Variants in DGKI observed in about 807,000 individuals in gnomAD.
DGKI encodes diacylglycerol kinase iota, also known as DAG kinase iota.
In DGKI, 55 loss-of-function variants were observed where a neutral mutation model predicts 147.5. The observed-to-expected ratio is 0.37, with a 90% confidence interval of 0.30 to 0.47. The LOEUF (loss-of-function observed/expected upper bound fraction) is 0.47, where lower values mean the gene tolerates loss of function less well. Ranked by LOEUF, DGKI falls within the 20% of genes least tolerant of loss-of-function variation. The pLI is 1.00. For missense variants in DGKI, 1,007 were observed against 1,323.8 expected, an observed-to-expected ratio of 0.76 and a Z score of 3.71; for synonymous variants, 469 against 477.1, an observed-to-expected ratio of 0.98 and a Z score of 0.22.
At chr7:137,496,492 A>G (rs1411269434) in intron 21 of DGKI, among the ~76,000 whole-genome samples, 1 of 152,026 alleles carries the variant, frequency 6.6e-6, no homozygotes, top group Non-Finnish European at 1.5e-5. Context: ...AAAATCCCAA[A>G]TAGCCAAGGA....
At chr7:137,806,590 C>T (rs1162096706) in intron 1 of DGKI, among the ~76,000 whole-genome samples, 1 of 152,116 alleles carries the variant, frequency 6.6e-6, no homozygotes, top group Non-Finnish European at 1.5e-5. Flanking sequence ...CCTGCCAACA[C>T]GCCCGGCTAA....
chr7:137,518,382 A>G lies in DGKI; in HGVS notation c.2248+3484T>C, dbSNP rs560504440. 1.1e-3 allele frequency among the ~76,000 whole-genome samples: 163 copies of G among 152,262 alleles called. 1 individual carries two copies. The highest frequency in any genetic ancestry group is 2.1e-3 in the Non-Finnish European group (145 of 67,984). On this transcript the variant is annotated intron_variant, in intron 21 of 32. Coordinates refer to ENST00000614521, the MANE Select transcript of DGKI (RefSeq NM_001321708.2). Reference sequence around the variant, plus strand: ...CTAAATCACCAAACAAGGAAATTCCATTAGGGCAAATGCTTAACTAAATAC... The same window carrying G: ...CTAAATCACCAAACAAGGAAATTCCGTTAGGGCAAATGCTTAACTAAATAC...
chr7:137,683,553 C>T (rs1322400094), intron 2 of DGKI, among the ~76,000 whole-genome samples: 1 of 152,098 alleles, frequency 6.6e-6, no homozygotes, highest in Non-Finnish European at 1.5e-5. Flanking sequence ...TGTCACTCTT[C>T]TTGAAACATA....
chr7:137,394,259 C>T (rs554259496), intron 32 of DGKI, among the ~76,000 whole-genome samples: 10 of 152,292 alleles, frequency 6.6e-5, no homozygotes, highest in African/African-American at 1.9e-4. Flanking sequence ...CGTAAACTTT[C>T]TTAAAACATC....
intron 27 of DGKI, among the ~76,000 whole-genome samples, chr7:137,455,499 T>C (rs1814157773): frequency 1.3e-5 from 2 of 151,998 alleles, no homozygotes; most frequent in African/African-American, 4.8e-5. Context: ...CTTAAAACAT[T>C]CCATTCCCAC....
chr7:137,631,193 C>T (rs1176531733), intron 6 of DGKI, among the ~76,000 whole-genome samples: 1 of 152,176 alleles, frequency 6.6e-6, no homozygotes, highest in Admixed American at 6.5e-5. Flanking sequence ...GAATTATCTA[C>T]ACTTCCTTTT....
chr7:137,653,595 C>G (rs1822114084), intron 5 of DGKI, among the ~76,000 whole-genome samples: 1 of 152,180 alleles, frequency 6.6e-6, no homozygotes, highest in Admixed American at 6.5e-5. Flanking sequence ...CCACCCTCCT[C>G]TCACTTAACT....
At chr7:137,653,145 C>T (rs745565852) in intron 5 of DGKI, among the ~76,000 whole-genome samples, 23 of 151,844 alleles carry the variant, frequency 1.5e-4, no homozygotes, top group African/African-American at 3.2e-4. Flanking sequence ...TGTGTGTGTG[C>T]GCGCGCGTGC....
intron 1 of DGKI, among the ~76,000 whole-genome samples, chr7:137,727,135 T>A (rs1453831358): frequency 6.6e-6 from 1 of 152,156 alleles, no homozygotes; most frequent in African/African-American, 2.4e-5. Flanking sequence ...AAATAAGTAT[T>A]TTTTTCCTTA....
intron 27 of DGKI, among the ~76,000 whole-genome samples, chr7:137,449,377 C>T (rs1813860604): frequency 6.6e-6 from 1 of 152,134 alleles, no homozygotes; most frequent in East Asian, 1.9e-4. Flanking sequence ...TCCAAGAATA[C>T]ATAATAAGGA....
chr7:137,667,996 A>G (rs1265266054), intron 3 of DGKI, among the ~76,000 whole-genome samples: 1 of 152,226 alleles, frequency 6.6e-6, no homozygotes, highest in Non-Finnish European at 1.5e-5. Flanking sequence ...TTACCCAGCT[A>G]AGGGAACTGA....
chr7:137,751,461 T>C (rs1434666398), intron 1 of DGKI, among the ~76,000 whole-genome samples: 2 of 152,342 alleles, frequency 1.3e-5, no homozygotes, highest in East Asian at 3.9e-4. Context: ...AAACATCTGC[T>C]GAGTATCTTT....
At chr7:137,845,371 A>G (rs1798680841) in intron 1 of DGKI, among the ~76,000 whole-genome samples, 1 of 152,326 alleles carries the variant, frequency 6.6e-6, no homozygotes, top group Non-Finnish European at 1.5e-5. Flanking sequence ...ATAACAGCAC[A>G]TGGTGTGACA....
intron 1 of DGKI, among the ~76,000 whole-genome samples, chr7:137,713,919 C>T (rs2116578769): frequency 6.6e-6 from 1 of 152,312 alleles, no homozygotes; most frequent in Non-Finnish European, 1.5e-5. Context: ...GATTATAAGG[C>T]ATGAGCCACT....
chr7:137,417,535 C>A (rs1300608430), intron 28 of DGKI, among the ~76,000 whole-genome samples: 3 of 152,136 alleles, frequency 2.0e-5, no homozygotes, highest in African/African-American at 7.2e-5. Flanking sequence ...TCTGGGCTCT[C>A]AAGAGTCTGG....
intron 28 of DGKI, among the ~76,000 whole-genome samples, chr7:137,416,006 CA>C (rs56011287): frequency 0.94 from 142,278 of 151,656 alleles, 67,378 homozygotes; most frequent in East Asian, 1. Context: ...AACCAACAAA[CA>C]AAAAAAACAA....
At chr7:137,460,879 C>T (rs1309646153) in intron 27 of DGKI, among the ~76,000 whole-genome samples, 1 of 152,014 alleles carries the variant, frequency 6.6e-6, no homozygotes, top group Non-Finnish European at 1.5e-5. Flanking sequence ...ACATGATGGC[C>T]TTCTATATAA....
intron 21 of DGKI, among the ~76,000 whole-genome samples, chr7:137,511,592 T>C (rs1213434465): frequency 6.6e-6 from 1 of 152,210 alleles, no homozygotes; most frequent in East Asian, 1.9e-4. Context: ...CTTAGAACAG[T>C]CTTTGATACA....
intron 8 of DGKI, among the ~76,000 whole-genome samples, chr7:137,615,486 T>C (rs554409395): frequency 6.6e-6 from 1 of 151,952 alleles, no homozygotes; most frequent in African/African-American, 2.4e-5. Flanking sequence ...TTTGAAGCAG[T>C]ATGATAGAAT....
Sources: gnomAD v4.1 joint callset for allele counts (sites outside exome capture counted in the v4.1 genomes callset) on GRCh38, gnomAD v4.1.1 for gene constraint, MANE v1.5 for transcripts, NCBI Gene and HGNC (gene_info 2026-07-23, HGNC 2026-07-21) for gene names.